CLOCK: variants seen among roughly 807,000 people sequenced by gnomAD.
CLOCK encodes circadian locomoter output cycles protein kaput.
Under a neutral mutation model 118.4 loss-of-function variants are expected in CLOCK, and 43 were observed. The observed-to-expected ratio is 0.36, with a 90% CI of 0.28 to 0.47. The LOEUF (loss-of-function observed/expected upper bound fraction) is 0.47, where lower values mean the gene tolerates loss of function less well. CLOCK is among the 20% of genes least tolerant of loss of function. The probability of loss-of-function intolerance (pLI) is 1.00; values close to 1 mark genes in which losing one functional copy is unlikely to be tolerated. For missense variants in CLOCK, 846 were observed against 999.9 expected, an observed-to-expected ratio of 0.85 and a Z score of 2.08; for synonymous variants, 326 against 339.2, an observed-to-expected ratio of 0.96 and a Z score of 0.43.
intron 1 of CLOCK, among the ~76,000 whole-genome samples, chr4:55,515,288 G>A (rs996191431): frequency 6.6e-6 from 1 of 152,004 alleles, no homozygotes; most frequent in Non-Finnish European, 1.5e-5. Flanking sequence ...AGCCTAGCTG[G>A]AAGCACATCA....
Position 55,434,686 on chromosome 4 carries a change from A to C in CLOCK, c.*729T>G, listed in dbSNP as rs1233767095. 6.5e-6 allele frequency: 1 copy of C among 152,694 alleles called. No homozygotes were observed. Among genetic ancestry groups the C allele is most frequent in the African/African-American group, 2.4e-5 (1 of 41,456 alleles). The allele number at this position is 152,694 out of a possible 1,614,324, so 9.5% of individuals were successfully genotyped here. ...ATGAACAAAAAAACTTGTGCCCCGG[A>C]AAAGTGAACAGAACACTACTGTGTT... On this transcript the variant is annotated 3_prime_UTR_variant, in exon 23 of 23. Coordinates refer to ENST00000513440, the MANE Select transcript of CLOCK (RefSeq NM_004898.4).
At chr4:55,464,116 T>C (rs191562012) in intron 8 of CLOCK, among the ~76,000 whole-genome samples, 10 of 152,340 alleles carry the variant, frequency 6.6e-5, no homozygotes, top group Admixed American at 2.0e-4. Flanking sequence ...CGACAAGTCA[T>C]AGCCTTACCA....
At chr4:55,481,623 T>C (rs939224990) in intron 4 of CLOCK, among the ~76,000 whole-genome samples, 1 of 152,226 alleles carries the variant, frequency 6.6e-6, no homozygotes, top group South Asian at 2.1e-4. Flanking sequence ...CTTTACTATC[T>C]AGCTCATAAA....
chr4:55,510,632 A>ACT (rs750141462), intron 1 of CLOCK, among the ~76,000 whole-genome samples: 1 of 131,244 alleles, frequency 7.6e-6, no homozygotes, highest in African/African-American at 2.7e-5. Flanking sequence ...GTCTTTTTAA[A>ACT]AAAAAAAAAA....
intron 2 of CLOCK, among the ~76,000 whole-genome samples, chr4:55,489,754 A>G (rs1727547794): frequency 6.6e-6 from 1 of 152,206 alleles, no homozygotes; most frequent in African/African-American, 2.4e-5. Context: ...ACATTGTGAC[A>G]TCAATAACAA....
Position 55,543,441 on chromosome 4 carries a change from C to T in CLOCK, c.-290+3341G>A, listed in dbSNP as rs1385294977. Among the ~76,000 whole-genome samples, 4 of 152,012 alleles carry T rather than the reference C, an allele frequency of 2.6e-5. No individual in the cohort carries two copies. The South Asian group carries it at 8.3e-4, about 32-fold the overall frequency. On this transcript the variant is annotated intron_variant, in intron 1 of 22. Transcript: ENST00000513440. ...ATTCCGTTTTCAAGGCTGAAAAGAACATATTTGCAAATGCACAGAAAAAGA... is the reference window on the plus strand; with the variant it reads ...ATTCCGTTTTCAAGGCTGAAAAGAATATATTTGCAAATGCACAGAAAAAGA...
chr4:55,500,054 G>A (rs1728336324), intron 2 of CLOCK, among the ~76,000 whole-genome samples: 1 of 151,622 alleles, frequency 6.6e-6, no homozygotes, highest in Non-Finnish European at 1.5e-5. Flanking sequence ...GCACAGCTGG[G>A]AGAGAAAAAA....
chr4:55,531,059 C>A (rs1730509826), intron 1 of CLOCK, among the ~76,000 whole-genome samples: 1 of 151,784 alleles, frequency 6.6e-6, no homozygotes, highest in Non-Finnish European at 1.5e-5. Context: ...GTATATATTT[C>A]TCTAAAGAAA....
intron 3 of CLOCK, among the ~76,000 whole-genome samples, chr4:55,488,161 T>G (rs960532559): frequency 1.3e-5 from 2 of 152,214 alleles, no homozygotes; most frequent in African/African-American, 2.4e-5. Flanking sequence ...AGACGACCAC[T>G]TCTGCATTTA....
Position 55,431,919 on chromosome 4 carries a change from G to GA in CLOCK, c.*3495dup, listed in dbSNP as rs1053627096. On this transcript the variant is annotated 3_prime_UTR_variant, in exon 23 of 23. Transcript: ENST00000513440. ...TCTCCCTTCAACAGTGCTCTTGATG[G>GA]AGCTGGACTGCTTCAGTGCTCCTAG... The GA allele has an allele frequency of 2.0e-5, 3 of 152,162 alleles. No individual in the cohort carries two copies. Among genetic ancestry groups the GA allele is most frequent in the Non-Finnish European group, 1.5e-5 (1 of 68,024 alleles). The allele number at this position is 152,162 out of a possible 1,614,324, so 9.4% of individuals were successfully genotyped here.
At chr4:55,528,127 G>A (rs921545245) in intron 1 of CLOCK, among the ~76,000 whole-genome samples, 1 of 152,092 alleles carries the variant, frequency 6.6e-6, no homozygotes, top group Non-Finnish European at 1.5e-5. Context: ...GGAGGCTGAG[G>A]TGGGTGGTCA....
intron 1 of CLOCK, among the ~76,000 whole-genome samples, chr4:55,526,647 T>C (rs1040903488): frequency 6.6e-6 from 1 of 150,640 alleles, no homozygotes; most frequent in Non-Finnish European, 1.5e-5. Flanking sequence ...GTGTAGACAG[T>C]AAGGAAAAAA....
chr4:55,477,025 A>C (rs1404098551), intron 6 of CLOCK, among the ~76,000 whole-genome samples: 1 of 152,114 alleles, frequency 6.6e-6, no homozygotes, highest in Non-Finnish European at 1.5e-5. Flanking sequence ...TAGAGCTACT[A>C]AATGTGCGGA....
chr4:55,487,044 T>C (rs529925049), intron 3 of CLOCK, among the ~76,000 whole-genome samples: 2 of 152,314 alleles, frequency 1.3e-5, no homozygotes, highest in East Asian at 3.9e-4. Flanking sequence ...CTTTGGCTCT[T>C]TGCTCTACTT....
At chr4:55,530,522 C>T (rs1007382244) in intron 1 of CLOCK, among the ~76,000 whole-genome samples, 2 of 151,964 alleles carry the variant, frequency 1.3e-5, no homozygotes, top group Non-Finnish European at 1.5e-5. Context: ...TGCATATAAT[C>T]CCAGCACTTT....
chr4:55,512,499 C>A (rs1349468531), intron 1 of CLOCK, among the ~76,000 whole-genome samples: 1 of 152,208 alleles, frequency 6.6e-6, no homozygotes, highest in Admixed American at 6.5e-5. Flanking sequence ...TCAAATATGT[C>A]TTTTGCAAAT....
chr4:55,445,505 A>G (rs1723735012), intron 18 of CLOCK, among the ~76,000 whole-genome samples: 1 of 151,242 alleles, frequency 6.6e-6, no homozygotes, highest in Admixed American at 6.6e-5. Flanking sequence ...GGAGTCTTCT[A>G]AGTATGTTCC....
At chr4:55,458,585 C>T (rs1314590653) in intron 11 of CLOCK, among the ~76,000 whole-genome samples, 1 of 151,914 alleles carries the variant, frequency 6.6e-6, no homozygotes, top group Admixed American at 6.6e-5. Context: ...ATAAAGATTC[C>T]AAAAACCTAG....
intron 1 of CLOCK, among the ~76,000 whole-genome samples, chr4:55,535,660 T>G (rs1730841908): frequency 6.6e-6 from 1 of 150,902 alleles, no homozygotes; most frequent in Admixed American, 6.6e-5. Context: ...AAATAAATTA[T>G]AAAAATCATA....
Sources: allele counts gnomAD v4.1 joint callset (sites outside exome capture counted in the v4.1 genomes callset), GRCh38; gene constraint gnomAD v4.1.1; transcripts MANE v1.5; gene names NCBI Gene and HGNC (gene_info 2026-07-23, HGNC 2026-07-21).